UGGT1: variants seen among roughly 807,000 people sequenced by gnomAD.
UGGT1 encodes UDP-glucose:glycoprotein glucosyltransferase 1.
UGGT1 carries 107 observed loss-of-function variants against 203.9 expected under a neutral mutation model. That is an observed-to-expected ratio of 0.52 (90% confidence interval 0.45 to 0.62). UGGT1 has a LOEUF of 0.62. Ranked by LOEUF, UGGT1 falls within the 20% of genes least tolerant of loss-of-function variation. The pLI is 0.00. For synonymous variants in UGGT1, 628 were observed against 653.5 expected (o/e 0.96, Z 0.59); for missense variants, 1,673 against 1,867.2 (o/e 0.90, Z 1.92).
At chr2:128,096,050 T>C (rs1370712866) in intron 1 of UGGT1, among the ~76,000 whole-genome samples, 1 of 152,150 alleles carries the variant, frequency 6.6e-6, no homozygotes, top group East Asian at 1.9e-4. Context: ...AGGTGGACTT[T>C]GGAGATGAAA....
intron 24 of UGGT1, 70 bp downstream of exon 24, chr2:128,160,661 T>C: frequency 6.5e-7 from 1 of 1,529,340 alleles, no homozygotes; most frequent in Non-Finnish European, 8.8e-7. Context: ...CCTCTGAAGC[T>C]AGTAAACTCT....
chr2:128,108,212 AT>A (rs1333347415), intron 4 of UGGT1, 144 bp downstream of exon 4: 23 of 1,061,276 alleles, frequency 2.2e-5, no homozygotes, highest in Middle Eastern at 2.4e-4. Flanking sequence ...TTTAAAAAAA[AT>A]AATAAGCAAA....
intron 40 of UGGT1, 145 bp from the exon 41 acceptor site, chr2:128,189,572 G>A (rs1189552036): frequency 1.0e-5 from 9 of 862,480 alleles, no homozygotes; most frequent in Non-Finnish European, 1.1e-5. Context: ...CAGTACAAAA[G>A]CACAAATCCC....
chr2:128,180,014 T>C, intron 35 of UGGT1, 144 bp downstream of exon 35: 1 of 686,010 alleles, frequency 1.5e-6, no homozygotes, highest in South Asian at 2.0e-5. Flanking sequence ...TTTATTTTGA[T>C]TATTCTTCCA....
rs769508383 is a variant in UGGT1 at position 128,157,336 on chromosome 2, T to G, written c.2345T>G (p.Ile782Ser). Residue 782 changes from isoleucine to serine, a missense_variant, in exon 22 of 41, where the codon ATC (isoleucine) becomes AGC (serine). Coordinates refer to ENST00000259253, the MANE Select transcript of UGGT1 (RefSeq NM_020120.4). ...PSGRQLLYDA[I>S]KHQKSSNNVR... ...GGACGGCAGTTACTGTATGATGCCA[T>G]CAAACATCAGGCAAGTATCTATGAC... 6.2e-7 allele frequency: 1 copy of G among 1,613,918 alleles called. No homozygotes were observed.
At chr2:128,129,242 ATT>A in intron 13 of UGGT1, 63 bp downstream of exon 13, 1 of 1,533,370 alleles carries the variant, frequency 6.5e-7, no homozygotes, top group Non-Finnish European at 8.7e-7. Flanking sequence ...ATGGTTTCTG[ATT>A]TGTCTCTTAT....
chr2:128,114,481 C>T (rs1688004444), intron 6 of UGGT1, among the ~76,000 whole-genome samples: 1 of 152,104 alleles, frequency 6.6e-6, no homozygotes, highest in Admixed American at 6.5e-5. Flanking sequence ...TTTTGATTCT[C>T]CCTCTGCCCC....
chr2:128,155,396 A>C, intron 19 of UGGT1, 93 bp from the exon 20 acceptor site: 3 of 935,164 alleles, frequency 3.2e-6, no homozygotes, highest in Non-Finnish European at 4.9e-6. Flanking sequence ...CATTTCTATA[A>C]ATCTTATATT....
chr2:128,171,153 A>C lies in UGGT1; in HGVS notation c.3025-52A>C, dbSNP rs548640910. On this transcript the variant is annotated intron_variant, in intron 27 of 40. Transcript: ENST00000259253. ...ATTAATAGCTCAGTGTCAAATAATAAATTTCTGAAGAAAAAAATCCTAAAT... is the reference window on the plus strand; with the variant it reads ...ATTAATAGCTCAGTGTCAAATAATACATTTCTGAAGAAAAAAATCCTAAAT... 6.9e-5 allele frequency: 106 copies of C among 1,535,450 alleles called. No homozygotes were observed. The South Asian group carries it at 1.0e-3, about 15-fold the overall frequency.
At chr2:128,187,164 T>TA (rs770660245) in intron 39 of UGGT1, 39 of 313,106 alleles carry the variant, frequency 1.2e-4, no homozygotes, top group Non-Finnish European at 2.3e-4. Context: ...TTTCACAACT[T>TA]ACAATCTGCT....
At chr2:128,184,458 A>C (rs774905719) in intron 38 of UGGT1, among the ~76,000 whole-genome samples, 2 of 152,204 alleles carry the variant, frequency 1.3e-5, no homozygotes, top group Non-Finnish European at 2.9e-5. Flanking sequence ...TATGAAGCAA[A>C]TACCCAGATA....
rs1687941257 is a variant in UGGT1 at position 128,113,072 on chromosome 2, AT to A, written c.522-9del. 1 of 1,457,962 alleles carries A rather than the reference AT, an allele frequency of 6.9e-7. No individual in the cohort carries two copies. The highest frequency in any genetic ancestry group is 2.5e-5 in the East Asian group (1 of 40,338). 90.3% of individuals were successfully genotyped at this position (1,457,962 alleles called of 1,614,324 possible). ...ATTTTTAAAGTTTTGAGCTTTTATT[AT>A]TTATTTTCAGACCCAAACCTTTATT... is the stretch of plus-strand genomic sequence containing the variant. On this transcript the variant is annotated splice_polypyrimidine_tract_variant and intron_variant, in intron 5 of 40. Transcript: ENST00000259253.
chr2:128,173,031 T>C (rs1457847835), intron 29 of UGGT1, among the ~76,000 whole-genome samples: 4 of 152,204 alleles, frequency 2.6e-5, no homozygotes, highest in Non-Finnish European at 5.9e-5. Flanking sequence ...CCCATACTCA[T>C]TAGCAGTCAC....
rs546508972 is a variant in UGGT1 at position 128,091,682 on chromosome 2, A to G, written c.58+267A>G. On this transcript the variant is annotated intron_variant, in intron 1 of 40. Transcript: ENST00000259253. ...AGCTTTAGATCCTTGTGCCAAGTGC[A>G]GAAGGAAATGGGGGAGGTATCCTAC... 2.4e-4 allele frequency: 254 copies of G among 1,049,952 alleles called. 5 individuals carry two copies. The South Asian group carries it at 5.1e-3, about 21-fold the overall frequency. The allele number at this position is 1,049,952 out of a possible 1,614,324, so 65.0% of individuals were successfully genotyped here. A position where few individuals can be genotyped will look rare whatever the true frequency, so the allele number is the denominator to read the frequency against.
rs1251031056 is a variant in UGGT1 at position 128,156,427 on chromosome 2, C to T, written c.2260+12C>T. 2 of 1,582,064 alleles carry T rather than the reference C, an allele frequency of 1.3e-6. No individual in the cohort carries two copies. The highest frequency in any genetic ancestry group is 1.7e-6 in the Non-Finnish European group (2 of 1,153,254). On this transcript the variant is annotated intron_variant, in intron 21 of 40. Transcript: ENST00000259253. Reference sequence around the variant, plus strand: ...CAAGGAAATCTATGGTAACTTAAAACTTCAGAATGTTCTATTTCTTAATTT... The same window carrying T: ...CAAGGAAATCTATGGTAACTTAAAATTTCAGAATGTTCTATTTCTTAATTT...
intron 38 of UGGT1, among the ~76,000 whole-genome samples, chr2:128,184,671 C>T (rs752380912): frequency 1.3e-5 from 2 of 151,934 alleles, no homozygotes; most frequent in Non-Finnish European, 2.9e-5. Flanking sequence ...AAAAGGTAAA[C>T]TTTTTTGTTT....
chr2:128,102,486 A>G (rs1168097510), intron 2 of UGGT1, among the ~76,000 whole-genome samples: 1 of 151,114 alleles, frequency 6.6e-6, no homozygotes, highest in African/African-American at 2.4e-5. Context: ...GTATTATATA[A>G]GAAGCTAAAA....
rs753652996 is a variant in UGGT1, at chr2:128,146,016, A to AT, written c.2016+55dup. The stretch of plus-strand genomic sequence containing the variant: ...TTTTTAAAGAGAACAGTTGGCTTAT[A>AT]TTTTTTGTTGCCTCTATAGTAGGCA... On this transcript the variant is annotated intron_variant, in intron 18 of 40. Coordinates refer to ENST00000259253, the MANE Select transcript of UGGT1 (RefSeq NM_020120.4). 1.9e-6 allele frequency: 3 copies of AT among 1,608,724 alleles called. No homozygotes were observed. In the South Asian group the frequency reaches 3.3e-5, roughly 18 times the overall value.
chr2:128,153,887 A>T (rs1326159993), intron 19 of UGGT1, among the ~76,000 whole-genome samples: 2 of 152,186 alleles, frequency 1.3e-5, no homozygotes, highest in African/African-American at 4.8e-5. Flanking sequence ...TAGCCCATGA[A>T]ATCTCACTGG....
Sources: gnomAD v4.1 joint callset for allele counts (sites outside exome capture counted in the v4.1 genomes callset) on GRCh38, gnomAD v4.1.1 for gene constraint, MANE v1.5 for transcripts, NCBI Gene and HGNC (gene_info 2026-07-23, HGNC 2026-07-21) for gene names.